The following SEH1L variants were observed in gnomAD, a reference collection of about 807,000 sequenced individuals.
SEH1L encodes the protein SEH1 like nucleoporin.
A neutral mutation model predicts 49.5 loss-of-function variants in SEH1L; 18 were observed. That is an observed-to-expected ratio of 0.36 (90% confidence interval 0.25 to 0.54). The LOEUF (loss-of-function observed/expected upper bound fraction) is 0.54. Among genes scored for constraint, SEH1L ranks in the 20% least tolerant of loss-of-function variants. The pLI is 0.87. For missense variants in SEH1L, 404 were observed against 528.8 expected (o/e 0.76, Z 2.31); for synonymous variants, 169 against 178.1 (o/e 0.95, Z 0.41).
chr18:12,979,674 C>T (rs1310955328), intron 6 of SEH1L, among the ~76,000 whole-genome samples: 10 of 142,420 alleles, frequency 7.0e-5, no homozygotes, highest in East Asian at 2.2e-4. Flanking sequence ...ACCTCCCGGA[C>T]GGGGTGGCTG....
At chr18:12,980,120 T>G (rs1374021002) in intron 6 of SEH1L, among the ~76,000 whole-genome samples, 51 of 74,490 alleles carry the variant, frequency 6.8e-4, no homozygotes, top group South Asian at 1.6e-3. Context: ...AGGGCGGCTG[T>G]CCGGGCAGAG....
At chr18:12,966,073 TTTTTTA>T (rs1322647251) in intron 4 of SEH1L, among the ~76,000 whole-genome samples, 10 of 150,386 alleles carry the variant, frequency 6.6e-5, no homozygotes, top group African/African-American at 2.2e-4. Context: ...TTACCATTTG[TTTTTTA>T]TTTTTATTTT....
chr18:12,984,016 T>G, intron 7 of SEH1L, 24 bp from the exon 8 acceptor site: 1 of 1,594,670 alleles, frequency 6.3e-7, no homozygotes, highest in East Asian at 2.2e-5. Context: ...ATCATGTTAA[T>G]GTATTTGATT....
At chr18:12,949,451 T>TG (rs2030364671) in intron 1 of SEH1L, among the ~76,000 whole-genome samples, 2 of 116,456 alleles carry the variant, frequency 1.7e-5, no homozygotes, top group Non-Finnish European at 3.6e-5. Context: ...CGTTTTTTTT[T>TG]TTTTTTTTTT....
chr18:12,963,331 T>C lies in SEH1L; in HGVS notation c.481T>C (p.Cys161Arg), dbSNP rs1245595043. The C allele has an allele frequency of 1.2e-6, 2 of 1,614,074 alleles. No homozygotes were observed. The highest frequency in any genetic ancestry group is 1.7e-6 in the Non-Finnish European group (2 of 1,180,022). Residue 161 changes from cysteine to arginine, a missense_variant, in exon 4 of 9, where the codon TGT becomes CGT. This residue lies in a region of SEH1L where 342 missense variants were observed against 430.8 expected (regional missense o/e 0.79). Coordinates refer to ENST00000399892, the MANE Select transcript of SEH1L (RefSeq NM_001013437.2). The part of the protein sequence containing the change: ...SQWSLQHEIS[C>R]KLSCSCISWN... ...GTGGTCTTTGCAGCATGAGATCTCA[T>C]GTAAGCTAAGCTGTAGTTGTATTTC...
At chr18:12,975,115 C>T (rs371240694) in intron 5 of SEH1L, among the ~76,000 whole-genome samples, 1 of 151,938 alleles carries the variant, frequency 6.6e-6, no homozygotes, top group African/African-American at 2.4e-5. Context: ...GCCTCAGCCT[C>T]CCAAGTAGCT....
Position 12,962,043 on chromosome 18 carries a change from A to G in SEH1L, c.310-1117A>G, listed in dbSNP as rs558125148. ...TTTAAATGTGATGTTGGAATTTTAC[A>G]GTGATCATAAAGCTTGCTTTCTACC... On this transcript the variant is annotated intron_variant, in intron 3 of 8. Transcript: ENST00000399892. 1.8e-4 allele frequency among the ~76,000 whole-genome samples: 27 copies of G among 152,286 alleles called. 2 individuals are homozygous for G. In the South Asian group the frequency reaches 5.6e-3, roughly 32 times the overall value.
intron 1 of SEH1L, 113 bp from the exon 2 acceptor site, chr18:12,951,742 C>A (rs1598938837): frequency 1.5e-6 from 1 of 670,190 alleles, no homozygotes; most frequent in Non-Finnish European, 2.6e-6. Context: ...TGATTGTGTT[C>A]TTTTGTTAAC....
intron 5 of SEH1L, chr18:12,977,660 G>C (rs2031981373): frequency 6.6e-6 from 1 of 152,022 alleles, no homozygotes; most frequent in Non-Finnish European, 1.5e-5. Context: ...GGAGGCGGAG[G>C]TTTCAGTGAG....
Position 12,948,226 on chromosome 18 carries a change from C to T in SEH1L, c.105C>T (p.Ser35=), listed in dbSNP as rs1950616091. 1 of 1,610,058 alleles carries T rather than the reference C, an allele frequency of 6.2e-7. No homozygotes were observed. Among genetic ancestry groups the T allele is most frequent in the South Asian group, 1.1e-5 (1 of 90,940 alleles). The change falls in exon 1 of 9, where the codon AGC becomes AGT. Residue 35 remains serine, a synonymous_variant. Transcript: ENST00000399892. The stretch of plus-strand genomic sequence containing the variant: ...TGGCAACCTGCTCCAGCGATCAGAG[C>T]GTTAAGGTGCGCGCGGCGCTTGCGG... ...RRMATCSSDQ[S]VKVWDKSESG...
chr18:12,982,731 A>C (rs1243137044), intron 7 of SEH1L, 56 bp downstream of exon 7: 12 of 1,324,800 alleles, frequency 9.1e-6, no homozygotes, highest in Non-Finnish European at 1.2e-5. Context: ...TGCAATTTTT[A>C]CTTAAAATGT....
At chr18:12,960,947 G>A (rs961296250) in intron 3 of SEH1L, among the ~76,000 whole-genome samples, 2 of 152,172 alleles carry the variant, frequency 1.3e-5, no homozygotes, top group African/African-American at 4.8e-5. Context: ...AAATTTTACA[G>A]CAGAAATGAA....
At chr18:12,984,223 CTT>C in intron 8 of SEH1L, 33 bp downstream of exon 8, 1 of 1,603,496 alleles carries the variant, frequency 6.2e-7, no homozygotes, top group Non-Finnish European at 8.5e-7. Context: ...TGGAAATCAT[CTT>C]TGTTTTAAAT....
chr18:12,986,667 G>C (rs1237012772), intron 8 of SEH1L, 195 bp from the exon 9 acceptor site: 2 of 1,217,712 alleles, frequency 1.6e-6, no homozygotes, highest in Admixed American at 4.2e-5. Flanking sequence ...ATCTTGATTT[G>C]AGTAAGGGTC....
At chr18:12,953,415 A>C (rs186361938) in intron 2 of SEH1L, among the ~76,000 whole-genome samples, 30 of 152,320 alleles carry the variant, frequency 2.0e-4, no homozygotes, top group Admixed American at 3.9e-4. Context: ...TTTCTAAGAA[A>C]CTGCGAAACT....
rs923742995 is a variant in SEH1L at position 12,987,162 on chromosome 18, G to A, written c.*105G>A. ...TCTTTCAGAAGATTTTTCTAACTTA[G>A]GGTCTGTCTTGCATGTATTACAACC... On this transcript the variant is annotated 3_prime_UTR_variant, in exon 9 of 9. Coordinates refer to ENST00000399892, the MANE Select transcript of SEH1L (RefSeq NM_001013437.2). 1 of 838,466 alleles carries A rather than the reference G, an allele frequency of 1.2e-6. No individual in the cohort carries two copies. The highest frequency in any genetic ancestry group is 2.7e-5 in the Admixed American group (1 of 37,422). 51.9% of individuals were successfully genotyped at this position (838,466 alleles called of 1,614,324 possible).
At chr18:12,949,026 T>G (rs540433874) in intron 1 of SEH1L, among the ~76,000 whole-genome samples, 8,541 of 151,512 alleles carry the variant, frequency 0.056, 794 homozygotes, top group African/African-American at 0.2. Context: ...ATCTTTTTTT[T>G]TTTTTGTATT....
intron 3 of SEH1L, among the ~76,000 whole-genome samples, chr18:12,957,416 G>A (rs12605267): frequency 0.26 from 38,700 of 148,224 alleles, 5,934 homozygotes; most frequent in Admixed American, 0.37. Flanking sequence ...GAACAAGAGC[G>A]AGACTTCGTC....
chr18:12,980,281 C>T, intron 6 of SEH1L, among the ~76,000 whole-genome samples: 1 of 135,696 alleles, frequency 7.4e-6, no homozygotes, highest in Non-Finnish European at 1.6e-5. Flanking sequence ...GGGCGGCTGG[C>T]CGGGCAGAGG....
Sources: gnomAD v4.1 joint callset for allele counts (sites outside exome capture counted in the v4.1 genomes callset) on GRCh38, gnomAD v4.1.1 for gene constraint, gnomAD v4.1.1 regional missense constraint, MANE v1.5 for transcripts, NCBI Gene and HGNC (gene_info 2026-07-23, HGNC 2026-07-21) for gene names.